METTL15: variants seen among roughly 807,000 people sequenced by gnomAD.
METTL15 encodes the protein 12S rRNA N(4)-cytidine methyltransferase METTL15.
In METTL15, 34 loss-of-function variants were observed where a neutral mutation model predicts 38.3. The ratio of observed to expected loss-of-function variants is 0.89; its 90% CI spans 0.68 to 1.18. METTL15 has a LOEUF of 1.18. Among genes scored for constraint, METTL15 ranks in the 50% most tolerant of loss-of-function variants. The pLI, the probability that METTL15 is intolerant of heterozygous loss-of-function variation, is 0.00. For synonymous variants in METTL15, 162 were observed against 170.9 expected (o/e 0.95, Z 0.41); for missense variants, 438 against 498.4 (o/e 0.88, Z 1.15).
intron 6 of METTL15, among the ~76,000 whole-genome samples, chr11:28,503,520 T>C (rs1168064899): frequency 6.6e-6 from 1 of 152,142 alleles, no homozygotes; most frequent in Admixed American, 6.6e-5. Flanking sequence ...AGGCTGGGTG[T>C]GGTGGCTCAC....
chr11:28,507,055 T>C (rs2582912), intron 6 of METTL15, among the ~76,000 whole-genome samples: 152,330 of 152,330 alleles, frequency 1, 76,165 homozygotes, highest in Non-Finnish European at 1. Context: ...CCTCAGTCTT[T>C]TTAACACAGT....
In METTL15 at chr11:28,181,333, G is replaced by A. The variant is rs151107980; in HGVS notation, c.271-29729G>A. ...GCAGGTTTGTTACATAGGTATATAC[G>A]TGCCATGGTGGTTTGCCATACTCAT... On this transcript the variant is annotated intron_variant, in intron 3 of 6. Coordinates refer to ENST00000407364, the MANE Select transcript of METTL15 (RefSeq NM_001113528.2). 5.1e-3 allele frequency among the ~76,000 whole-genome samples: 712 copies of A among 139,690 alleles called. 7 individuals are homozygous for A. The highest frequency in any genetic ancestry group is 0.017 in the African/African-American group (670 of 38,332). The allele number at this position is 139,690 out of a possible 152,430, so 91.6% of individuals were successfully genotyped here.
chr11:28,466,681 T>C (rs1286938242), intron 6 of METTL15, among the ~76,000 whole-genome samples: 1 of 152,204 alleles, frequency 6.6e-6, no homozygotes, highest in Admixed American at 6.5e-5. Flanking sequence ...TCTACATATT[T>C]ACAGCAACTC....
At chr11:28,249,240 A>G (rs959337201) in intron 4 of METTL15, among the ~76,000 whole-genome samples, 3 of 151,976 alleles carry the variant, frequency 2.0e-5, no homozygotes, top group Non-Finnish European at 4.4e-5. Context: ...TAACAGTGGT[A>G]CCTATCTTCA....
At chr11:28,502,729 G>A (rs997933732) in intron 6 of METTL15, among the ~76,000 whole-genome samples, 4 of 152,212 alleles carry the variant, frequency 2.6e-5, no homozygotes, top group Admixed American at 2.6e-4. Context: ...TGACCACTGG[G>A]ATGTTGAGGG....
chr11:28,431,791 A>T (rs1186428470), intron 6 of METTL15, among the ~76,000 whole-genome samples: 2 of 11,756 alleles, frequency 1.7e-4, no homozygotes, highest in Middle Eastern at 0.042. Flanking sequence ...AAATAAATTT[A>T]AAAAAAAAAA....
chr11:28,215,675 G>A (rs1852833936), intron 4 of METTL15, among the ~76,000 whole-genome samples: 1 of 152,080 alleles, frequency 6.6e-6, no homozygotes, highest in Admixed American at 6.6e-5. Context: ...TGTTTTTGAA[G>A]GGCATACAAG....
chr11:28,367,509 C>A (rs1850198421), intron 5 of METTL15, among the ~76,000 whole-genome samples: 1 of 151,908 alleles, frequency 6.6e-6, no homozygotes, highest in Admixed American at 6.6e-5. Flanking sequence ...AATGGAAAAA[C>A]ATTCCATGCT....
At chr11:28,216,831 G>A (rs1182725864) in intron 4 of METTL15, among the ~76,000 whole-genome samples, 1 of 151,108 alleles carries the variant, frequency 6.6e-6, no homozygotes, top group Non-Finnish European at 1.5e-5. Flanking sequence ...CTGTCCTTGC[G>A]ATAGTTTGCT....
chr11:28,154,101 A>G (rs1024097474), intron 3 of METTL15, among the ~76,000 whole-genome samples: 3 of 152,150 alleles, frequency 2.0e-5, no homozygotes, highest in African/African-American at 2.4e-5. Flanking sequence ...TGCAAAGTTT[A>G]TCTTAATTTC....
chr11:28,137,507 GTGCAGAT>G (rs1313400018), intron 3 of METTL15, among the ~76,000 whole-genome samples: 1 of 152,134 alleles, frequency 6.6e-6, no homozygotes, highest in Non-Finnish European at 1.5e-5. Flanking sequence ...TATGTGCTAG[GTGCAGAT>G]AAAGTCTGAC....
chr11:28,508,206 TACC>T (rs1319299309), intron 6 of METTL15, among the ~76,000 whole-genome samples: 2 of 152,194 alleles, frequency 1.3e-5, no homozygotes, highest in Admixed American at 1.3e-4. Flanking sequence ...TAGCATTTAT[TACC>T]ACATGGAATG....
At chr11:28,168,126 C>T (rs1002816995) in intron 3 of METTL15, among the ~76,000 whole-genome samples, 3 of 151,954 alleles carry the variant, frequency 2.0e-5, no homozygotes, top group South Asian at 2.1e-4. Context: ...TGGTTTTCTT[C>T]CCTCCCATCC....
At chr11:28,338,422 T>A (rs901584635), downstream of METTL15, among the ~76,000 whole-genome samples, 1 of 152,146 alleles carries the variant, frequency 6.6e-6, no homozygotes, top group African/African-American at 2.4e-5. Flanking sequence ...ACCTGATCTC[T>A]ACAAGATTTG....
intron 3 of METTL15, among the ~76,000 whole-genome samples, chr11:28,188,847 C>T (rs1177053643): frequency 6.6e-6 from 1 of 151,236 alleles, no homozygotes; most frequent in Admixed American, 6.6e-5. Context: ...TTACGAACTC[C>T]TTTATGTGTA....
At chr11:28,263,688 T>C (rs1855299622) in intron 4 of METTL15, among the ~76,000 whole-genome samples, 1 of 152,036 alleles carries the variant, frequency 6.6e-6, no homozygotes, top group African/African-American at 2.4e-5. Flanking sequence ...TCGAATTGAG[T>C]AATTGTTCAA....
intron 3 of METTL15, among the ~76,000 whole-genome samples, chr11:28,162,341 T>TTACC (rs1156766279): frequency 1.3e-5 from 2 of 152,090 alleles, no homozygotes; most frequent in Non-Finnish European, 2.9e-5. Context: ...AAACAGAGTA[T>TTACC]GGTAGGTAGT....
At chr11:28,511,984 C>T (rs929125551) in intron 6 of METTL15, among the ~76,000 whole-genome samples, 6 of 152,064 alleles carry the variant, frequency 3.9e-5, no homozygotes, top group Non-Finnish European at 7.4e-5. Flanking sequence ...CACAAAGGTT[C>T]TCCACGTCCC....
chr11:28,387,278 T>C (rs1850450361), intron 5 of METTL15, among the ~76,000 whole-genome samples: 1 of 151,728 alleles, frequency 6.6e-6, no homozygotes, highest in Non-Finnish European at 1.5e-5. Context: ...GCTGTTTTGT[T>C]GAAAAGAGCA....
Sources: allele counts gnomAD v4.1 joint callset (sites outside exome capture counted in the v4.1 genomes callset), GRCh38; gene constraint gnomAD v4.1.1; transcripts MANE v1.5; gene names NCBI Gene and HGNC (gene_info 2026-07-23, HGNC 2026-07-21).